DYNC2H1: variants seen among roughly 807,000 people sequenced by gnomAD.
DYNC2H1 encodes the protein cytoplasmic dynein 2 heavy chain 1.
A neutral mutation model predicts 570.0 loss-of-function variants in DYNC2H1; 410 were observed. The observed-to-expected ratio is 0.72, with a 90% CI of 0.66 to 0.78. The LOEUF (loss-of-function observed/expected upper bound fraction) is 0.78. Among genes scored for constraint, DYNC2H1 ranks in the 30% least tolerant of loss-of-function variants. DYNC2H1 has a pLI of 0.00. For synonymous variants in DYNC2H1, 1,688 were observed against 1,677.6 expected (o/e 1.01, Z -0.15); for missense variants, 4,865 against 5,046.4 (o/e 0.96, Z 1.09).
intron 82 of DYNC2H1, among the ~76,000 whole-genome samples, chr11:103,357,068 A>T (rs1036143430): frequency 1.3e-5 from 2 of 152,180 alleles, no homozygotes; most frequent in Non-Finnish European, 2.9e-5. Flanking sequence ...TTTAGGTATA[A>T]TATGAAAAAC....
Position 103,253,272 on chromosome 11 carries a change from T to C in DYNC2H1, c.10043-13T>C, listed in dbSNP as rs760952411. The C allele has an allele frequency of 1.8e-5, 28 of 1,596,394 alleles. No homozygotes were observed. Among genetic ancestry groups the C allele is most frequent in the Non-Finnish European group, 2.4e-5 (28 of 1,170,918 alleles). Reference sequence around the variant, plus strand: ...AGATTCAGACCAACCAATTGTGTGTTTTTTTTAAATAGGACCACGTTATGT... The same window carrying C: ...AGATTCAGACCAACCAATTGTGTGTCTTTTTTAAATAGGACCACGTTATGT... On this transcript the variant is annotated splice_polypyrimidine_tract_variant and intron_variant, in intron 65 of 88. Coordinates refer to ENST00000375735, the MANE Select transcript of DYNC2H1 (RefSeq NM_001377.3).
At chr11:103,302,801 C>T (rs943772277) in intron 75 of DYNC2H1, among the ~76,000 whole-genome samples, 1 of 152,000 alleles carries the variant, frequency 6.6e-6, no homozygotes. Flanking sequence ...GTATTGTGGT[C>T]TCAATTTACA....
rs11225555 is a variant in DYNC2H1, at chr11:103,125,513, G to A, written c.1857+218G>A. Among the ~76,000 whole-genome samples, 7,195 of 151,996 alleles carry A rather than the reference G, an allele frequency of 0.047. 233 individuals carry two copies. Among genetic ancestry groups the A allele is most frequent in the Non-Finnish European group, 0.068 (4,619 of 67,966 alleles). On this transcript the variant is annotated intron_variant, in intron 12 of 88. Transcript: ENST00000375735. ...TGTTTATTGCTTTTCACTCTAAAAA[G>A]CATTTAGAAAATAGTATGTTATTCT...
At position 103,219,984 on chromosome 11, in the gene DYNC2H1, G is replaced by A. The variant is rs1863525813; in HGVS notation, c.8902G>A (p.Glu2968Lys). 2.0e-6 allele frequency: 3 copies of A among 1,496,228 alleles called. No homozygotes were observed. The highest frequency in any genetic ancestry group is 2.9e-5 in the Admixed American group (1 of 34,756). The allele number at this position is 1,496,228 out of a possible 1,614,324, so 92.7% of individuals were successfully genotyped here. The change falls in exon 56 of 89, where the codon GAA becomes AAA. Residue 2968 changes from glutamate to lysine, a missense_variant. By Grantham distance (56) the Glu-to-Lys change is moderately conservative (BLOSUM62 1). This residue lies in a region of DYNC2H1 where 2,401 missense variants were observed against 2,454.6 expected (regional missense o/e 0.98). Coordinates refer to ENST00000375735, the MANE Select transcript of DYNC2H1 (RefSeq NM_001377.3). ...AATAGCAGAAGAAGTTGTTAAAATT[G>A]AAGAAAGAAAAAATAAAATTGATGA... The part of the protein sequence containing the change: ...HRIAEEVVKI[E>K]ERKNKIDDEL...
chr11:103,194,200 TGACTC>T (rs141157018), intron 47 of DYNC2H1, among the ~76,000 whole-genome samples: 5,798 of 152,284 alleles, frequency 0.038, 368 homozygotes, highest in African/African-American at 0.13. Flanking sequence ...AAAGTTATCT[TGACTC>T]AACCTGTTTC....
At chr11:103,450,607 A>G (rs1944566648) in intron 85 of DYNC2H1, among the ~76,000 whole-genome samples, 1 of 152,236 alleles carries the variant, frequency 6.6e-6, no homozygotes. Context: ...GAAGATATCA[A>G]AAATAAAGTT....
At chr11:103,468,823 T>C (rs1482676272) in intron 88 of DYNC2H1, 118 bp downstream of exon 88, 3 of 687,920 alleles carry the variant, frequency 4.4e-6, no homozygotes, top group South Asian at 2.4e-5. Context: ...CTCACCTGCA[T>C]TTGAACAAAT....
chr11:103,205,026 C>T lies in DYNC2H1; in HGVS notation c.8454+62C>T. Reference sequence around the variant, plus strand: ...TTTTATTTTTGAAGTTATTGATTTTCACAACTTCTCTTTGGTGTTGGTTAT... The same window carrying T: ...TTTTATTTTTGAAGTTATTGATTTTTACAACTTCTCTTTGGTGTTGGTTAT... On this transcript the variant is annotated intron_variant, in intron 52 of 88. Coordinates refer to ENST00000375735, the MANE Select transcript of DYNC2H1 (RefSeq NM_001377.3). This position sits in a 1 kb window ranked among gnomAD's most constrained non-coding sequence, Gnocchi z 4.5. 1.4e-6 allele frequency: 2 copies of T among 1,456,342 alleles called. No individual in the cohort carries two copies. Among genetic ancestry groups the T allele is most frequent in the Non-Finnish European group, 1.9e-6 (2 of 1,077,274 alleles). 90.2% of individuals were successfully genotyped at this position (1,456,342 alleles called of 1,614,324 possible).
Position 103,316,556 on chromosome 11 carries a change from G to T in DYNC2H1, c.11661G>T (p.Lys3887Asn), listed in dbSNP as rs1315587025. ...RRNYIPQGWT[K>N]FYEFSLSDLR... ...TTGTTTTTTGACAGGGTTGGACAAA[G>T]TTTTATGAATTTTCTTTATCAGATC... The change falls in exon 80 of 89, where the codon AAG (lysine) becomes AAT (asparagine). Residue 3887 changes from lysine to asparagine, a missense_variant. Around this residue, in one of 5 missense-constraint regions of DYNC2H1, gnomAD observed 2,401 missense variants for 2,454.6 expected, o/e 0.98. Transcript: ENST00000375735. 4 of 1,554,240 alleles carry T rather than the reference G, an allele frequency of 2.6e-6. No individual in the cohort carries two copies. Among genetic ancestry groups the T allele is most frequent in the Non-Finnish European group, 3.5e-6 (4 of 1,150,618 alleles).
intron 85 of DYNC2H1, among the ~76,000 whole-genome samples, chr11:103,438,108 G>C (rs1452204148): frequency 2.6e-5 from 4 of 152,076 alleles, no homozygotes; most frequent in African/African-American, 7.2e-5. Flanking sequence ...GTTCAGGACT[G>C]ACCATAGCTT....
At chr11:103,328,753 T>C (rs1178208239) in intron 82 of DYNC2H1, among the ~76,000 whole-genome samples, 1 of 152,232 alleles carries the variant, frequency 6.6e-6, no homozygotes, top group Non-Finnish European at 1.5e-5. Context: ...TTTTTTGTTT[T>C]TGTAACCTGC....
intron 83 of DYNC2H1, among the ~76,000 whole-genome samples, chr11:103,385,187 A>AGCCGGGCGCGGTGGCTC (rs1247098757): frequency 6.6e-6 from 1 of 152,008 alleles, no homozygotes; most frequent in East Asian, 1.9e-4. Context: ...GGTAAGATTT[A>AGCCGGGCGCGGTGGCTC]ATGGGCTTTT....
Position 103,163,265 on chromosome 11 carries a change from G to A in DYNC2H1, c.4611+118G>A, listed in dbSNP as rs1034224673. The A allele has an allele frequency of 4.4e-5, 54 of 1,224,296 alleles. No individual in the cohort carries two copies. The South Asian group carries it at 9.1e-4, about 21-fold the overall frequency. 75.8% of individuals were successfully genotyped at this position (1,224,296 alleles called of 1,614,324 possible). ...TTTCTCCCTTTATCTAACAGTTAAC[G>A]GACAAATTGCTTAACTTCTGAGTCT... On this transcript the variant is annotated intron_variant, in intron 30 of 88. Transcript: ENST00000375735. The surrounding 1 kb of genome is among the most constrained non-coding windows in gnomAD (Gnocchi z 4.6).
At chr11:103,308,042 G>A (rs1214104555) in intron 78 of DYNC2H1, among the ~76,000 whole-genome samples, 2 of 151,930 alleles carry the variant, frequency 1.3e-5, no homozygotes, top group African/African-American at 2.4e-5. Context: ...TTTTATTGTG[G>A]TAAGAAACAC....
chr11:103,451,414 C>T (rs568075336), intron 85 of DYNC2H1, among the ~76,000 whole-genome samples: 1 of 140,042 alleles, frequency 7.1e-6, no homozygotes, highest in Admixed American at 7.4e-5. Context: ...CTCACTGCAA[C>T]CTCCGCCTCC....
Position 103,286,362 on chromosome 11 carries a change from A to C in DYNC2H1, c.10998A>C (p.Ala3666=). The change falls in exon 74 of 89, where the codon GCA becomes GCC. Residue 3666 remains alanine, a synonymous_variant. Coordinates refer to ENST00000375735, the MANE Select transcript of DYNC2H1 (RefSeq NM_001377.3). ...MCEQEFPSIL[A]KKVSLFQQIL... is the part of the protein sequence containing the mutation. ...AGCAAGAGTTTCCATCTATCCTTGC[A>C]AAGAAAGTTTCCTTATTTCAGCAGG... The C allele has an allele frequency of 1.2e-6, 2 of 1,612,600 alleles. No individual in the cohort carries two copies. The highest frequency in any genetic ancestry group is 2.2e-5 in the South Asian group (2 of 90,386).
At chr11:103,150,390 G>A (rs1012033530) in intron 20 of DYNC2H1, among the ~76,000 whole-genome samples, 1 of 152,090 alleles carries the variant, frequency 6.6e-6, no homozygotes, top group Non-Finnish European at 1.5e-5. Context: ...TGGTAGTGGA[G>A]ATAGAACTAT....
In DYNC2H1 at chr11:103,423,476, C is replaced by T. The variant is rs538258164; in HGVS notation, c.12367-12467C>T. Among the ~76,000 whole-genome samples the T allele has an allele frequency of 5.4e-5, 8 of 148,288 alleles. No homozygotes were observed. The South Asian group carries it at 8.5e-4, about 16-fold the overall frequency. ...GTCTCCAAAGATATACAAAAATTAT[C>T]CCCAAAGTAATCATAAACATTAATA... On this transcript the variant is annotated intron_variant, in intron 84 of 88. Transcript: ENST00000375735.
chr11:103,183,452 T>A (rs1404891239), intron 40 of DYNC2H1, among the ~76,000 whole-genome samples: 1 of 151,678 alleles, frequency 6.6e-6, no homozygotes, highest in African/African-American at 2.4e-5. Context: ...GGAAAAAAAA[T>A]GGTTTATGTT....
Sources: allele counts gnomAD v4.1 joint callset (sites outside exome capture counted in the v4.1 genomes callset), GRCh38; gene constraint gnomAD v4.1.1; regional missense constraint gnomAD v4.1.1; non-coding constraint Gnocchi (gnomAD v3.1); transcripts MANE v1.5; gene names NCBI Gene and HGNC (gene_info 2026-07-23, HGNC 2026-07-21).